USP45: variants seen among roughly 807,000 people sequenced by gnomAD.
The protein encoded by USP45 is ubiquitin specific peptidase 45.
USP45 carries 89 observed loss-of-function variants against 95.8 expected under a neutral mutation model. That is an observed-to-expected ratio of 0.93 (90% CI 0.78 to 1.11). USP45 has a LOEUF of 1.11. Among genes scored for constraint, USP45 ranks in the 50% least tolerant of loss-of-function variants. The pLI, the probability that USP45 is intolerant of heterozygous loss-of-function variation, is 0.00. For synonymous variants in USP45, 281 were observed against 316.2 expected, an observed-to-expected ratio of 0.89 and a Z score of 1.18; for missense variants, 898 against 942.5, an observed-to-expected ratio of 0.95 and a Z score of 0.62.
In USP45 at chr6:99,446,429, T is replaced by G; in HGVS notation, c.1343A>C (p.Lys448Thr). The G allele has an allele frequency of 6.2e-7, 1 of 1,613,784 alleles. No homozygotes were observed. The highest frequency in any genetic ancestry group is 8.5e-7 in the Non-Finnish European group (1 of 1,179,930). ...QLIHDRKCIR[K>T]LSSGETVTYQ... ...TGTGACAGTTTCTCCAGATGACAAT[T>G]TTCTAATACATTTTCGGTCATGAAT... is the stretch of plus-strand genomic sequence containing the variant. The change falls in exon 14 of 18, where the codon AAA (lysine) becomes ACA (threonine). Residue 448 changes from lysine to threonine, a missense_variant. By Grantham distance (78) the Lys-to-Thr change is moderately conservative. Coordinates refer to ENST00000500704, the MANE Select transcript of USP45 (RefSeq NM_001346022.3).
Position 99,434,315 on chromosome 6 carries a change from T to G in USP45, c.*1401A>C, listed in dbSNP as rs973341014. On this transcript the variant is annotated 3_prime_UTR_variant, in exon 18 of 18. Transcript: ENST00000500704. ...GTCTTGATTAAATATTTCCATACCT[T>G]ATCTGCAGCCACTATTCTTATCCTT... 5 of 152,196 alleles carry G rather than the reference T, an allele frequency of 3.3e-5. No homozygotes were observed. The highest frequency in any genetic ancestry group is 1.2e-4 in the African/African-American group (5 of 41,450). 9.4% of individuals were successfully genotyped at this position (152,196 alleles called of 1,614,324 possible). A position where few individuals can be genotyped will look rare whatever the true frequency, so the allele number is the denominator to read the frequency against.
At chr6:99,456,853 C>T (rs1292346986) in intron 13 of USP45, among the ~76,000 whole-genome samples, 4 of 152,156 alleles carry the variant, frequency 2.6e-5, no homozygotes, top group African/African-American at 7.2e-5. Flanking sequence ...GGTGAGCTGG[C>T]GGAACAGAGC....
chr6:99,504,404 T>C (rs963457184), intron 4 of USP45, among the ~76,000 whole-genome samples: 9 of 152,184 alleles, frequency 5.9e-5, no homozygotes, highest in African/African-American at 2.2e-4. Context: ...CCTCCCAAAG[T>C]ATTGGGATTA....
At chr6:99,509,042 CAT>C (rs1799165166) in intron 2 of USP45, among the ~76,000 whole-genome samples, 1 of 152,106 alleles carries the variant, frequency 6.6e-6, no homozygotes, top group Non-Finnish European at 1.5e-5. Context: ...ATGGACAGCA[CAT>C]AGAGTGGTGA....
At position 99,434,566 on chromosome 6, in the gene USP45, AATG is replaced by A. The variant is rs1780168037; in HGVS notation, c.*1147_*1149del. 1.3e-5 allele frequency: 2 copies of A among 152,136 alleles called. No homozygotes were observed. The highest frequency in any genetic ancestry group is 1.3e-4 in the Admixed American group (2 of 15,264). The allele number at this position is 152,136 out of a possible 1,614,324, so 9.4% of individuals were successfully genotyped here. On this transcript the variant is annotated 3_prime_UTR_variant, in exon 18 of 18. Transcript: ENST00000500704. ...AATAATTTGTATTCTAGAGGGGAAA[AATG>A]ATATTTTTGCTATTATTTAAAAAGA... is the stretch of plus-strand genomic sequence containing the variant.
intron 5 of USP45, among the ~76,000 whole-genome samples, chr6:99,489,718 A>C (rs1044231788): frequency 1.3e-5 from 2 of 152,124 alleles, no homozygotes; most frequent in East Asian, 3.9e-4. Flanking sequence ...AGGCTGAAGC[A>C]GGTGGATCAC....
At chr6:99,460,891 G>A in intron 13 of USP45, 1 of 970,616 alleles carries the variant, frequency 1.0e-6, no homozygotes, top group Non-Finnish European at 1.2e-6. Context: ...AACCAAAAGT[G>A]CATGAAAAGT....
At chr6:99,509,132 C>A (rs1004546124) in intron 2 of USP45, among the ~76,000 whole-genome samples, 1 of 152,056 alleles carries the variant, frequency 6.6e-6, no homozygotes, top group African/African-American at 2.4e-5. Context: ...GTTTCGATAG[C>A]CAGTTTGCTG....
At chr6:99,509,646 C>T (rs1417885434) in intron 2 of USP45, among the ~76,000 whole-genome samples, 2 of 134,160 alleles carry the variant, frequency 1.5e-5, no homozygotes, top group Admixed American at 1.5e-4. Context: ...GAGAAAGAGA[C>T]CAAAAAAAAA....
rs560159435 is a variant in USP45, at chr6:99,434,777, G to A, written c.*939C>T. The A allele has an allele frequency of 3.9e-5, 6 of 152,124 alleles. No individual in the cohort carries two copies. The highest frequency in any genetic ancestry group is 1.2e-4 in the African/African-American group (5 of 41,498). The allele number at this position is 152,124 out of a possible 1,614,324, so 9.4% of individuals were successfully genotyped here. ...TCTCTATCATTTACAAATATAATTTGGTAATTTATATTTCAAAGCTATCCT... is the reference window on the plus strand; with the variant it reads ...TCTCTATCATTTACAAATATAATTTAGTAATTTATATTTCAAAGCTATCCT... On this transcript the variant is annotated 3_prime_UTR_variant, in exon 18 of 18. Transcript: ENST00000500704.
At position 99,488,287 on chromosome 6, in the gene USP45, T is replaced by C. The variant is rs61733471; in HGVS notation, c.627A>G (p.Ala209=). 3.0e-3 allele frequency: 4,817 copies of C among 1,601,560 alleles called. 11 individuals carry two copies. The highest frequency in any genetic ancestry group is 3.7e-3 in the Non-Finnish European group (4,326 of 1,175,422). The change falls in exon 7 of 18, where the codon GCA becomes GCG. Residue 209 remains alanine (A), a synonymous_variant. Coordinates refer to ENST00000500704, the MANE Select transcript of USP45 (RefSeq NM_001346022.3). ...TCAGATCAGTAAGAGTATAAGTCTGTGCCAAGTTCTAAAAGAAAACAAAAT... is the reference window on the plus strand; with the variant it reads ...TCAGATCAGTAAGAGTATAAGTCTGCGCCAAGTTCTAAAAGAAAACAAAAT... The part of the protein sequence containing the change: ...CFFNAVMQNL[A]QTYTLTDLMN...
chr6:99,500,450 G>C (rs913460577), intron 5 of USP45, among the ~76,000 whole-genome samples: 1 of 151,924 alleles, frequency 6.6e-6, no homozygotes, highest in East Asian at 1.9e-4. Context: ...CCATCATACC[G>C]TCCATGCTCC....
intron 13 of USP45, chr6:99,462,545 A>T: frequency 1.0e-6 from 1 of 985,456 alleles, no homozygotes; most frequent in Non-Finnish European, 1.2e-6. Context: ...GCTTTGTTTT[A>T]TACCATTAGA....
At chr6:99,491,619 AATTC>A (rs779128721) in intron 5 of USP45, among the ~76,000 whole-genome samples, 2 of 152,200 alleles carry the variant, frequency 1.3e-5, no homozygotes, top group African/African-American at 2.4e-5. Context: ...TCTGATTATA[AATTC>A]ATTGTCATTT....
chr6:99,504,902 T>C (rs1798172023), intron 4 of USP45, among the ~76,000 whole-genome samples: 1 of 152,114 alleles, frequency 6.6e-6, no homozygotes, highest in African/African-American at 2.4e-5. Flanking sequence ...ATGCCAATAG[T>C]ATTGAGATTG....
At chr6:99,494,061 T>C (rs1178851203) in intron 5 of USP45, among the ~76,000 whole-genome samples, 1 of 152,216 alleles carries the variant, frequency 6.6e-6, no homozygotes, top group Non-Finnish European at 1.5e-5. Flanking sequence ...TATCATTTCT[T>C]TTGTTCTCCT....
At chr6:99,483,844 CAAAA>C (rs71276584) in intron 7 of USP45, among the ~76,000 whole-genome samples, 2 of 86,586 alleles carry the variant, frequency 2.3e-5, no homozygotes, top group African/African-American at 4.7e-5. Context: ...GACTCCGTCT[CAAAA>C]AAAAAAAAAA....
chr6:99,463,817 AAAAAAAAAAAAG>A (rs1787178439), intron 13 of USP45, among the ~76,000 whole-genome samples: 1 of 150,846 alleles, frequency 6.6e-6, no homozygotes, highest in African/African-American at 2.4e-5. Flanking sequence ...AAAAAAAAAA[AAAAAAAAAAAAG>A]AGGCACTGCA....
At chr6:99,511,845 GTATATATATATATATATATATATA>G (rs751350306) in intron 1 of USP45, among the ~76,000 whole-genome samples, 6 of 22,810 alleles carry the variant, frequency 2.6e-4, no homozygotes, top group Admixed American at 4.2e-4. Flanking sequence ...GTGAGTGTGT[GTATATATATATATATATATATATA>G]TATATATATA....
Sources: allele counts gnomAD v4.1 joint callset (sites outside exome capture counted in the v4.1 genomes callset), GRCh38; gene constraint gnomAD v4.1.1; transcripts MANE v1.5; gene names NCBI Gene and HGNC (gene_info 2026-07-23, HGNC 2026-07-21).